The following BAZ2B variants were observed in gnomAD, a reference collection of about 807,000 sequenced individuals.
BAZ2B encodes the protein bromodomain adjacent to zinc finger domain 2B, also known as bromodomain adjacent to zinc finger domain protein 2B.
Under a neutral mutation model 246.0 loss-of-function variants are expected in BAZ2B, and 91 were observed. That is an observed-to-expected ratio of 0.37 (90% CI 0.31 to 0.44). The LOEUF is 0.44. BAZ2B is among the 20% of genes least tolerant of loss of function. BAZ2B has a pLI of 1.00. For missense variants in BAZ2B, 2,332 were observed against 2,533.7 expected, an observed-to-expected ratio of 0.92 and a Z score of 1.71; for synonymous variants, 855 against 860.0, an observed-to-expected ratio of 0.99 and a Z score of 0.10.
At chr2:159,405,512 A>G (rs2065791158) in intron 14 of BAZ2B, among the ~76,000 whole-genome samples, 2 of 152,094 alleles carry the variant, frequency 1.3e-5, no homozygotes, top group South Asian at 4.1e-4. Context: ...CTCCCAGCCG[A>G]GGATATAATA....
At chr2:159,537,072 C>A (rs1230985979) in intron 2 of BAZ2B, among the ~76,000 whole-genome samples, 1 of 152,140 alleles carries the variant, frequency 6.6e-6, no homozygotes, top group African/African-American at 2.4e-5. Context: ...TATCATTCAG[C>A]CTTAAAACGA....
chr2:159,468,096 T>G (rs1371724010), intron 3 of BAZ2B, among the ~76,000 whole-genome samples: 2 of 152,098 alleles, frequency 1.3e-5, no homozygotes, highest in African/African-American at 4.8e-5. Context: ...GAAAAAGGAC[T>G]CCAGGGTCAG....
At chr2:159,668,283 A>G in the BAZ2B span, among the ~76,000 whole-genome samples, 9 of 152,116 alleles carry the variant, frequency 5.9e-5, no homozygotes, top group East Asian at 1.5e-3. Context: ...GTCCTTTAGG[A>G]TCTTTATACA....
At chr2:159,500,988 G>T (rs2081642477) in intron 2 of BAZ2B, among the ~76,000 whole-genome samples, 1 of 146,024 alleles carries the variant, frequency 6.8e-6, no homozygotes, top group Admixed American at 6.9e-5. Flanking sequence ...GAAAGAAAAC[G>T]GCTGGGCACG....
At chr2:159,322,778 A>G (rs889990481) in intron 36 of BAZ2B, among the ~76,000 whole-genome samples, 1 of 152,192 alleles carries the variant, frequency 6.6e-6, no homozygotes, top group Non-Finnish European at 1.5e-5. Context: ...AATTTGAAAT[A>G]TGGTTTGTGA....
intron 21 of BAZ2B, 41 bp downstream of exon 21, chr2:159,389,304 T>TA: frequency 6.6e-7 from 1 of 1,515,858 alleles, no homozygotes; most frequent in Non-Finnish European, 8.8e-7. Context: ...CTGGAAAAAT[T>TA]AAACTTATGA....
upstream of BAZ2B, among the ~76,000 whole-genome samples, chr2:159,618,028 T>C (rs1696264211): frequency 6.6e-6 from 1 of 152,260 alleles, no homozygotes; most frequent in Admixed American, 6.5e-5. Flanking sequence ...TGTGCTGATA[T>C]GTTTTTAATT....
chr2:159,349,169 C>T lies in BAZ2B; in HGVS notation c.4975G>A (p.Gly1659Arg). 1 of 1,614,060 alleles carries T rather than the reference C, an allele frequency of 6.2e-7. No homozygotes were observed. Among genetic ancestry groups the T allele is most frequent in the Non-Finnish European group, 8.5e-7 (1 of 1,179,978 alleles). The change falls in exon 29 of 37, where the codon GGG (glycine) becomes AGG (arginine). Residue 1659 changes from glycine to arginine, a missense_variant. This residue lies in a region of BAZ2B where 676 missense variants were observed against 668.6 expected (regional missense o/e 1.01). Transcript: ENST00000392783. ...GAATTACCATTTCCTTCTGATAACC[C>T]TAACCCCGATCCTAGACTAGGTACA... ...SSVPSLGSGL[G>R]LSEGNGNSFL...
At chr2:159,560,155 C>T (rs2089681978) in intron 1 of BAZ2B, among the ~76,000 whole-genome samples, 1 of 152,082 alleles carries the variant, frequency 6.6e-6, no homozygotes, top group Non-Finnish European at 1.5e-5. Context: ...ATACTACATA[C>T]CTACAAACTA....
the BAZ2B span, among the ~76,000 whole-genome samples, chr2:159,684,461 A>T: frequency 6.6e-6 from 1 of 152,250 alleles, no homozygotes; most frequent in Non-Finnish European, 1.5e-5. Context: ...CCACTAAATA[A>T]AGAAAAAGTG....
At chr2:159,675,836 C>T in the BAZ2B span, among the ~76,000 whole-genome samples, 1 of 151,186 alleles carries the variant, frequency 6.6e-6, no homozygotes, top group African/African-American at 2.4e-5. Context: ...ACCTCACAGG[C>T]TTAAGCTATC....
chr2:159,389,506 C>T (rs1478715539), intron 20 of BAZ2B, 21 bp from the exon 21 acceptor site: 3 of 1,559,292 alleles, frequency 1.9e-6, no homozygotes, highest in Non-Finnish European at 2.6e-6. Context: ...AAACCATGTA[C>T]ACATATTCTT....
intron 27 of BAZ2B, among the ~76,000 whole-genome samples, chr2:159,354,354 T>A (rs185023741): frequency 0.018 from 2,657 of 149,336 alleles, 45 homozygotes; most frequent in Middle Eastern, 0.069. Flanking sequence ...TTAAAAAAAA[T>A]ATATATATAT....
intron 8 of BAZ2B, chr2:159,433,621 G>T: frequency 3.4e-6 from 1 of 296,318 alleles, no homozygotes; most frequent in Non-Finnish European, 6.1e-6. Flanking sequence ...CTTTACTGTT[G>T]CTTCCATTTT....
chr2:159,351,270 C>T (rs2058533216), intron 27 of BAZ2B, among the ~76,000 whole-genome samples: 1 of 151,850 alleles, frequency 6.6e-6, no homozygotes, highest in Admixed American at 6.6e-5. Context: ...TTGAATAATA[C>T]CCTGTAAACA....
At chr2:159,657,067 T>C in the BAZ2B span, among the ~76,000 whole-genome samples, 1 of 152,160 alleles carries the variant, frequency 6.6e-6, no homozygotes, top group Admixed American at 6.6e-5. Context: ...CTGCAAACTC[T>C]AGGTCACTTA....
At chr2:159,532,046 C>A (rs1306556159) in intron 2 of BAZ2B, among the ~76,000 whole-genome samples, 3 of 152,068 alleles carry the variant, frequency 2.0e-5, no homozygotes. Flanking sequence ...GAAACTAAGA[C>A]AACAGAAGTA....
At chr2:159,411,518 T>A (rs1013781237) in intron 14 of BAZ2B, among the ~76,000 whole-genome samples, 4 of 152,230 alleles carry the variant, frequency 2.6e-5, no homozygotes, top group African/African-American at 9.6e-5. Flanking sequence ...TCAATTTTCA[T>A]TATTAAACCT....
intron 2 of BAZ2B, among the ~76,000 whole-genome samples, chr2:159,522,670 TTTTTAAAAC>T (rs1181704365): frequency 6.6e-6 from 1 of 152,214 alleles, no homozygotes; most frequent in African/African-American, 2.4e-5. Flanking sequence ...GTCAAGGCTA[TTTTTAAAAC>T]TTTGAAGAAT....
Sources: gnomAD v4.1 joint callset for allele counts (sites outside exome capture counted in the v4.1 genomes callset) on GRCh38, gnomAD v4.1.1 for gene constraint, gnomAD v4.1.1 regional missense constraint, MANE v1.5 for transcripts, NCBI Gene and HGNC (gene_info 2026-07-23, HGNC 2026-07-21) for gene names.